MGST2: variants seen among roughly 807,000 people sequenced by gnomAD.
MGST2 encodes the protein microsomal glutathione S-transferase 2, also known as glutathione peroxidase MGST2.
Under a neutral mutation model 16.6 loss-of-function variants are expected in MGST2, and 9 were observed. That is an observed-to-expected ratio of 0.54 (90% CI 0.33 to 0.95). The LOEUF is 0.95. MGST2 is among the 40% of genes least tolerant of loss of function. The pLI, the probability that MGST2 is intolerant of heterozygous loss-of-function variation, is 0.03. For synonymous variants in MGST2, 79 were observed against 68.0 expected, an observed-to-expected ratio of 1.16 and a Z score of -0.79; for missense variants, 159 against 175.1, an observed-to-expected ratio of 0.91 and a Z score of 0.52.
chr4:139,666,280 G>A (rs1730345995), intron 1 of MGST2, among the ~76,000 whole-genome samples: 1 of 152,014 alleles, frequency 6.6e-6, no homozygotes, highest in African/African-American at 2.4e-5. Context: ...CCAGGGGCAA[G>A]CAGAGACTGA....
intron 3 of MGST2, among the ~76,000 whole-genome samples, chr4:139,695,490 C>A (rs779229512): frequency 2.0e-5 from 3 of 152,092 alleles, no homozygotes; most frequent in African/African-American, 7.2e-5. Context: ...AGTGTGGTGG[C>A]GCATGCCTGT....
At chr4:139,690,620 T>C (rs917760223) in intron 2 of MGST2, among the ~76,000 whole-genome samples, 44 of 152,312 alleles carry the variant, frequency 2.9e-4, no homozygotes, top group East Asian at 2.5e-3. Flanking sequence ...CCTCCTCTGC[T>C]GCAGGAGGAT....
chr4:139,667,720 T>C (rs2110777952), intron 1 of MGST2, among the ~76,000 whole-genome samples: 1 of 152,062 alleles, frequency 6.6e-6, no homozygotes, highest in Admixed American at 6.5e-5. Context: ...TTGCTGGACA[T>C]GGTGGCACGC....
At chr4:139,728,034 G>T (rs1728548004) in intron 5 of MGST2, among the ~76,000 whole-genome samples, 1 of 152,122 alleles carries the variant, frequency 6.6e-6, no homozygotes, top group African/African-American at 2.4e-5. Context: ...TGGCCAACAT[G>T]GTGAAACCCC....
At chr4:139,680,443 G>A (rs539587641) in intron 2 of MGST2, among the ~76,000 whole-genome samples, 1 of 152,120 alleles carries the variant, frequency 6.6e-6, no homozygotes, top group African/African-American at 2.4e-5. Flanking sequence ...ACATTTTTCT[G>A]TCTTGGAGTC....
At chr4:139,716,764 A>AAT (rs1727984414) in intron 5 of MGST2, 1 of 152,498 alleles carries the variant, frequency 6.6e-6, no homozygotes, top group South Asian at 2.1e-4. Flanking sequence ...TGATTCAGAT[A>AAT]ATCTTTTATT....
chr4:139,714,513 ATTTC>A (rs936706220), intron 5 of MGST2, among the ~76,000 whole-genome samples: 14 of 152,308 alleles, frequency 9.2e-5, no homozygotes, highest in African/African-American at 3.4e-4. Context: ...AAGGAAAAGT[ATTTC>A]TTTTTGTTCT....
chr4:139,725,069 T>C (rs569231684), intron 5 of MGST2, among the ~76,000 whole-genome samples: 3 of 152,164 alleles, frequency 2.0e-5, no homozygotes, highest in Non-Finnish European at 4.4e-5. Context: ...AAGGGCTCTC[T>C]CTATTAGAGA....
intron 1 of MGST2, among the ~76,000 whole-genome samples, chr4:139,676,316 AT>A (rs1730955107): frequency 6.6e-6 from 1 of 152,154 alleles, no homozygotes; most frequent in Non-Finnish European, 1.5e-5. Context: ...CTGTTGATGG[AT>A]ACTCTTGTGA....
At chr4:139,739,972 C>A (rs1729103923) in intron 5 of MGST2, among the ~76,000 whole-genome samples, 1 of 152,178 alleles carries the variant, frequency 6.6e-6, no homozygotes, top group South Asian at 2.1e-4. Flanking sequence ...CCACCTTACG[C>A]TCTAGAGGGT....
chr4:139,751,639 C>T, the MGST2 span, among the ~76,000 whole-genome samples: 2 of 152,082 alleles, frequency 1.3e-5, no homozygotes, highest in East Asian at 1.9e-4. Flanking sequence ...CCACAATAGC[C>T]CCTAACCCTA....
At chr4:139,714,504 A>T (rs1727865659) in intron 5 of MGST2, among the ~76,000 whole-genome samples, 1 of 152,234 alleles carries the variant, frequency 6.6e-6, no homozygotes, top group Non-Finnish European at 1.5e-5. Flanking sequence ...CGCATCATAA[A>T]GGAAAAGTAT....
the MGST2 span, among the ~76,000 whole-genome samples, chr4:139,751,843 C>A: frequency 3.3e-5 from 5 of 152,312 alleles, no homozygotes; most frequent in East Asian, 9.6e-4. Flanking sequence ...CGCAAAGTAT[C>A]CATTCTTATC....
At chr4:139,740,929 T>TCTTC (rs1405008270), downstream of MGST2, among the ~76,000 whole-genome samples, 2 of 152,188 alleles carry the variant, frequency 1.3e-5, no homozygotes, top group Non-Finnish European at 2.9e-5. Flanking sequence ...GTCCCCATGT[T>TCTTC]CTTCCTTCCT....
Position 139,666,093 on chromosome 4 carries a change from A to G in MGST2, c.58+16A>G, listed in dbSNP as rs1375792188. 8.3e-6 allele frequency: 13 copies of G among 1,566,824 alleles called. No individual in the cohort carries two copies. Among genetic ancestry groups the G allele is most frequent in the Non-Finnish European group, 8.6e-6 (10 of 1,156,626 alleles). On this transcript the variant is annotated intron_variant, in intron 1 of 4. Coordinates refer to ENST00000265498, the MANE Select transcript of MGST2 (RefSeq NM_002413.5). ...TGTCAGCAAAGTAAGAGGCATGGGA[A>G]GTTCGTGTGTGTGCGCGTGTGTGCG...
the MGST2 span, among the ~76,000 whole-genome samples, chr4:139,751,751 GACA>G: frequency 6.6e-6 from 1 of 152,178 alleles, no homozygotes; most frequent in African/African-American, 2.4e-5. Flanking sequence ...GAGGAAAGAG[GACA>G]CTGGAATACA....
At chr4:139,703,360 A>G in intron 3 of MGST2, 95 bp from the exon 4 acceptor site, 1 of 1,006,992 alleles carries the variant, frequency 9.9e-7, no homozygotes, top group Non-Finnish European at 1.6e-6. Flanking sequence ...TGTCCAATAT[A>G]TGTTTTGTGA....
At chr4:139,738,496 T>C (rs1729033212) in intron 5 of MGST2, among the ~76,000 whole-genome samples, 1 of 152,086 alleles carries the variant, frequency 6.6e-6, no homozygotes, top group Non-Finnish European at 1.5e-5. Flanking sequence ...TGAGCCGAGA[T>C]TGCACCACTG....
the MGST2 span, among the ~76,000 whole-genome samples, chr4:139,750,715 TA>T: frequency 1.3e-5 from 2 of 152,350 alleles, no homozygotes; most frequent in Admixed American, 1.3e-4. Flanking sequence ...TTTCTTTGTA[TA>T]TTCTACCTAA....
Sources: allele counts gnomAD v4.1 joint callset (sites outside exome capture counted in the v4.1 genomes callset), GRCh38; gene constraint gnomAD v4.1.1; transcripts MANE v1.5; gene names NCBI Gene and HGNC (gene_info 2026-07-23, HGNC 2026-07-21).